MREG: variants seen among roughly 807,000 people sequenced by gnomAD.
MREG encodes melanoregulin.
A neutral mutation model predicts 28.5 loss-of-function variants in MREG; 31 were observed. The ratio of observed to expected loss-of-function variants is 1.09; its 90% confidence interval spans 0.82 to 1.47. The LOEUF is 1.47. MREG is among the 40% of genes most tolerant of loss of function. MREG has a pLI of 0.00. For synonymous variants in MREG, 106 were observed against 95.2 expected, an observed-to-expected ratio of 1.11 and a Z score of -0.66; for missense variants, 256 against 257.4, an observed-to-expected ratio of 0.99 and a Z score of 0.04.
At chr2:215,955,022 G>A (rs1253265213) in intron 2 of MREG, among the ~76,000 whole-genome samples, 3 of 152,112 alleles carry the variant, frequency 2.0e-5, no homozygotes, top group African/African-American at 7.2e-5. Context: ...ATTTGTTAAG[G>A]TAATACATTT....
At chr2:215,977,678 G>T (rs1020008687) in intron 2 of MREG, among the ~76,000 whole-genome samples, 11 of 152,136 alleles carry the variant, frequency 7.2e-5, no homozygotes, top group Non-Finnish European at 1.6e-4. Context: ...ATAACAAACT[G>T]TCTCTCAGAC....
chr2:215,979,154 T>C (rs1274582899), intron 2 of MREG, among the ~76,000 whole-genome samples: 2 of 152,150 alleles, frequency 1.3e-5, no homozygotes, highest in African/African-American at 4.8e-5. Context: ...TACAAGCTTA[T>C]TCCTGTTAAC....
intron 1 of MREG, among the ~76,000 whole-genome samples, chr2:216,023,203 A>G (rs1354339327): frequency 1.3e-5 from 2 of 152,250 alleles, no homozygotes; most frequent in African/African-American, 4.8e-5. Context: ...CAAAGGTTAT[A>G]TACAAACCTT....
intron 2 of MREG, among the ~76,000 whole-genome samples, chr2:215,961,539 C>A (rs1358105793): frequency 2.0e-5 from 3 of 152,128 alleles, no homozygotes; most frequent in Non-Finnish European, 4.4e-5. Flanking sequence ...GATTCGCCTG[C>A]CTCAGCCTCC....
At chr2:215,952,209 G>A (rs1692508793) in intron 2 of MREG, among the ~76,000 whole-genome samples, 1 of 152,082 alleles carries the variant, frequency 6.6e-6, no homozygotes, top group Admixed American at 6.5e-5. Flanking sequence ...TGGCTATTGT[G>A]AATCATGCTG....
At chr2:215,973,102 G>C (rs1328485894) in intron 2 of MREG, among the ~76,000 whole-genome samples, 2 of 152,222 alleles carry the variant, frequency 1.3e-5, no homozygotes, top group African/African-American at 4.8e-5. Context: ...CAAGAACCCT[G>C]GAGGCTGGAT....
In MREG at chr2:216,013,426, C is replaced by T; in HGVS notation, c.-99G>A. Reference sequence around the variant, plus strand: ...CGGCCACCGCGCCAGCGTCCAGGTGCGGGGACAGCGGCAGCCCGGGCGTCG... The same window carrying T: ...CGGCCACCGCGCCAGCGTCCAGGTGTGGGGACAGCGGCAGCCCGGGCGTCG... On this transcript the variant is annotated 5_prime_UTR_variant, in exon 1 of 5. Coordinates refer to ENST00000263268, the MANE Select transcript of MREG (RefSeq NM_018000.3). 1.3e-6 allele frequency: 1 copy of T among 773,158 alleles called. No individual in the cohort carries two copies. The allele number at this position is 773,158 out of a possible 1,614,324, so 47.9% of individuals were successfully genotyped here.
intron 1 of MREG, among the ~76,000 whole-genome samples, chr2:216,010,501 G>A (rs1694272400): frequency 6.6e-6 from 1 of 151,162 alleles, no homozygotes; most frequent in South Asian, 2.1e-4. Context: ...GGGACTACAG[G>A]CGCCCGCCAC....
At chr2:216,009,337 A>G (rs1195674701) in intron 1 of MREG, among the ~76,000 whole-genome samples, 1 of 150,924 alleles carries the variant, frequency 6.6e-6, no homozygotes, top group African/African-American at 2.4e-5. Context: ...CTAAAGTACA[A>G]AAATGCAAAA....
chr2:215,979,887 A>AT (rs1364741457), intron 2 of MREG, among the ~76,000 whole-genome samples: 1 of 150,326 alleles, frequency 6.7e-6, no homozygotes, highest in African/African-American at 2.5e-5. Context: ...ATCGACTGTG[A>AT]TTTTTTAAAG....
intron 2 of MREG, among the ~76,000 whole-genome samples, chr2:215,995,575 C>T (rs1305637566): frequency 1.4e-5 from 2 of 142,342 alleles, no homozygotes; most frequent in Non-Finnish European, 3.1e-5. Context: ...AATTCCTCTA[C>T]ACAAAGAAGC....
chr2:215,954,729 G>A (rs1692579959), intron 2 of MREG, among the ~76,000 whole-genome samples: 1 of 150,906 alleles, frequency 6.6e-6, no homozygotes, highest in Admixed American at 6.6e-5. Flanking sequence ...TAGAGAAGGA[G>A]TTTCACTCTT....
At chr2:216,001,423 C>T (rs1694010328) in intron 1 of MREG, among the ~76,000 whole-genome samples, 1 of 152,188 alleles carries the variant, frequency 6.6e-6, no homozygotes, top group Non-Finnish European at 1.5e-5. Flanking sequence ...TGCCCCTGGA[C>T]CGGCAATGCC....
chr2:215,940,046 T>C (rs760291847), downstream of MREG, among the ~76,000 whole-genome samples: 1 of 152,312 alleles, frequency 6.6e-6, no homozygotes, highest in Middle Eastern at 3.4e-3. Flanking sequence ...TGAGAAACAA[T>C]ATCAAATAAA....
chr2:216,031,699 A>G (rs200735959), intron 1 of MREG, among the ~76,000 whole-genome samples: 7,651 of 127,448 alleles, frequency 0.06, 433 homozygotes, highest in African/African-American at 0.14. Flanking sequence ...AAGAGAAAGA[A>G]AGAAAGAAAG....
At chr2:216,027,217 G>A (rs764506841) in intron 1 of MREG, among the ~76,000 whole-genome samples, 5 of 152,136 alleles carry the variant, frequency 3.3e-5, no homozygotes, top group Non-Finnish European at 7.3e-5. Context: ...AATACATTTG[G>A]TGTTTGGTGA....
intron 1 of MREG, among the ~76,000 whole-genome samples, chr2:216,029,737 T>G (rs148691532): frequency 2.0e-5 from 3 of 152,360 alleles, no homozygotes; most frequent in East Asian, 3.9e-4. Context: ...AGGGCCAGAA[T>G]AGTCCAGTAT....
chr2:215,994,515 C>T (rs1005934564), intron 2 of MREG, among the ~76,000 whole-genome samples: 1 of 150,786 alleles, frequency 6.6e-6, no homozygotes, highest in African/African-American at 2.5e-5. Context: ...ACCTATGTAA[C>T]CTGCACATTC....
intron 2 of MREG, among the ~76,000 whole-genome samples, chr2:215,995,509 A>T (rs61457386): frequency 3.2e-5 from 3 of 95,138 alleles, no homozygotes; most frequent in Non-Finnish European, 4.5e-5. Flanking sequence ...CACCCACCCC[A>T]CCCCCCGCCA....
Sources: gnomAD v4.1 joint callset for allele counts (sites outside exome capture counted in the v4.1 genomes callset) on GRCh38, gnomAD v4.1.1 for gene constraint, MANE v1.5 for transcripts, NCBI Gene and HGNC (gene_info 2026-07-23, HGNC 2026-07-21) for gene names.